The following ATP2B4 variants were observed in gnomAD, a reference collection of about 807,000 sequenced individuals.
The protein encoded by ATP2B4 is ATPase plasma membrane Ca2+ transporting 4.
ATP2B4 carries 39 observed loss-of-function variants against 110.3 expected under a neutral mutation model. The ratio of observed to expected loss-of-function variants is 0.35; its 90% CI spans 0.27 to 0.46. The LOEUF (loss-of-function observed/expected upper bound fraction) is 0.46. Ranked by LOEUF, ATP2B4 falls within the 20% of genes least tolerant of loss-of-function variation. The probability of loss-of-function intolerance (pLI) is 1.00; values close to 1 mark genes in which losing one functional copy is unlikely to be tolerated. For synonymous variants in ATP2B4, 538 were observed against 571.7 expected (o/e 0.94, Z 0.84); for missense variants, 1,135 against 1,530.9 (o/e 0.74, Z 4.32).
intron 2 of ATP2B4, among the ~76,000 whole-genome samples, chr1:203,696,448 G>T (rs2102380336): frequency 6.6e-6 from 1 of 152,198 alleles, no homozygotes; most frequent in East Asian, 1.9e-4. Flanking sequence ...CCCTTCCTCT[G>T]ATTCTGACCC....
chr1:203,661,859 G>A (rs113675282), intron 1 of ATP2B4, among the ~76,000 whole-genome samples: 119 of 152,140 alleles, frequency 7.8e-4, no homozygotes, highest in African/African-American at 2.6e-3. Flanking sequence ...CTGAACTCTC[G>A]GTGACAGCAG....
intron 1 of ATP2B4, among the ~76,000 whole-genome samples, chr1:203,633,026 G>C (rs1426705547): frequency 2.0e-5 from 3 of 152,146 alleles, no homozygotes; most frequent in African/African-American, 4.8e-5. Context: ...GAGGTTGTAA[G>C]GAACAGTGCT....
Position 203,733,249 on chromosome 1 carries a change from G to A in ATP2B4, c.3309+5678G>A, listed in dbSNP as rs139470109. On this transcript the variant is annotated intron_variant, in intron 20 of 20. Transcript: ENST00000357681. ...TCGACGTAATTAACACATTCCAGAC[G>A]GGAGCCTCTTTTAAGGGAGTCCTAA... The A allele has an allele frequency of 3.8e-5, 62 of 1,613,106 alleles. No homozygotes were observed. The Admixed American group carries it at 9.0e-4, about 23-fold the overall frequency.
chr1:203,653,960 AATATATAT>A lies in ATP2B4; in HGVS notation c.-465+26760_-465+26767del, dbSNP rs376712958. On this transcript the variant is annotated intron_variant, in intron 1 of 20. Transcript: ENST00000357681. Reference sequence around the variant, plus strand: ...CATCTATTTACAGCATGGTTTGCCAAATATATATATATATATATATATATATTTTTTTT... The same window carrying A: ...CATCTATTTACAGCATGGTTTGCCAAATATATATATATATATATTTTTTTT... Among the ~76,000 whole-genome samples the A allele has an allele frequency of 4.3e-4, 57 of 132,426 alleles. 5 individuals carry two copies. The highest frequency in any genetic ancestry group is 3.8e-3 in the Middle Eastern group (1 of 262). 86.9% of individuals were successfully genotyped at this position (132,426 alleles called of 152,430 possible). A position where few individuals can be genotyped will look rare whatever the true frequency, so the allele number is the denominator to read the frequency against.
chr1:203,672,324 CTTTTTTTT>C (rs57144862), intron 1 of ATP2B4, among the ~76,000 whole-genome samples: 2 of 79,626 alleles, frequency 2.5e-5, no homozygotes, highest in African/African-American at 1.1e-4. Flanking sequence ...TGCGGTGGCT[CTTTTTTTT>C]TTTTTTTTTT....
intron 2 of ATP2B4, among the ~76,000 whole-genome samples, chr1:203,685,762 A>G (rs1475094655): frequency 1.3e-5 from 2 of 152,180 alleles, no homozygotes; most frequent in African/African-American, 4.8e-5. Context: ...TTCTTCTTTG[A>G]AAATAATGTT....
At chr1:203,668,857 G>T (rs974887827) in intron 1 of ATP2B4, among the ~76,000 whole-genome samples, 3 of 152,224 alleles carry the variant, frequency 2.0e-5, no homozygotes, top group Non-Finnish European at 4.4e-5. Flanking sequence ...GAATGAGAGA[G>T]ATTGAGAGAT....
rs181033764 is a variant in ATP2B4 at position 203,706,537 on chromosome 1, A to G, written c.1100-472A>G. 2.1e-4 allele frequency among the ~76,000 whole-genome samples: 32 copies of G among 152,332 alleles called. No homozygotes were observed. The East Asian group carries it at 4.6e-3, about 22-fold the overall frequency. ...TAGCACCATAGAGGCATTGTTGTAA[A>G]CAAGGTGTGAATTGTCCAACATTCA... On this transcript the variant is annotated intron_variant, in intron 8 of 20. Coordinates refer to ENST00000357681, the MANE Select transcript of ATP2B4 (RefSeq NM_001684.5).
At chr1:203,711,131 A>G (rs1665996882) in intron 12 of ATP2B4, 23 bp downstream of exon 12, 1 of 1,605,344 alleles carries the variant, frequency 6.2e-7, no homozygotes, top group Non-Finnish European at 8.5e-7. Context: ...GAAGCCACCC[A>G]GGAGTCTCAG....
chr1:203,661,848 T>C (rs778528932), intron 1 of ATP2B4, among the ~76,000 whole-genome samples: 17 of 152,096 alleles, frequency 1.1e-4, no homozygotes, highest in Non-Finnish European at 2.4e-4. Flanking sequence ...CCACAATGGA[T>C]CTGAACTCTC....
intron 1 of ATP2B4, among the ~76,000 whole-genome samples, chr1:203,676,840 G>T (rs1216820294): frequency 6.6e-6 from 1 of 152,074 alleles, no homozygotes; most frequent in Admixed American, 6.5e-5. Context: ...GGAGGACAAG[G>T]GGGAAGGGAG....
chr1:203,675,507 T>A (rs909776467), intron 1 of ATP2B4, among the ~76,000 whole-genome samples: 1 of 152,166 alleles, frequency 6.6e-6, no homozygotes, highest in African/African-American at 2.4e-5. Flanking sequence ...CAGGACTAGA[T>A]GACTGGGTCC....
At chr1:203,632,696 TAAAAA>T (rs79013470) in intron 1 of ATP2B4, among the ~76,000 whole-genome samples, 4 of 122,222 alleles carry the variant, frequency 3.3e-5, no homozygotes, top group Non-Finnish European at 7.1e-5. Context: ...ATATTTTAAG[TAAAAA>T]AAAAAAAAAA....
intron 2 of ATP2B4, among the ~76,000 whole-genome samples, chr1:203,692,039 AC>A (rs1665392979): frequency 6.6e-6 from 1 of 150,480 alleles, no homozygotes. Flanking sequence ...CCGCCACCAC[AC>A]CCAGCTAATT....
chr1:203,653,000 T>C (rs1024467049), intron 1 of ATP2B4, among the ~76,000 whole-genome samples: 4 of 152,200 alleles, frequency 2.6e-5, no homozygotes, highest in Non-Finnish European at 5.9e-5. Context: ...GAAGTCGTGT[T>C]GAAAGCTGAG....
chr1:203,657,729 T>C (rs765592799), intron 1 of ATP2B4: 2 of 737,414 alleles, frequency 2.7e-6, no homozygotes, highest in South Asian at 1.5e-5. Context: ...ATAGTGTTTA[T>C]GGTGTAATTC....
At chr1:203,733,389 C>T (rs762575558) in intron 20 of ATP2B4, 3 of 1,613,484 alleles carry the variant, frequency 1.9e-6, no homozygotes, top group Admixed American at 1.7e-5. Context: ...GTTTCATCTC[C>T]TCCTATGGGC....
chr1:203,646,067 A>AT (rs1663790426), intron 1 of ATP2B4, among the ~76,000 whole-genome samples: 1 of 81,710 alleles, frequency 1.2e-5, no homozygotes, highest in Non-Finnish European at 4.1e-5. Flanking sequence ...AAGAATATTT[A>AT]CTTTTTTTCC....
intron 20 of ATP2B4, among the ~76,000 whole-genome samples, chr1:203,734,734 G>A (rs1181431918): frequency 6.7e-6 from 1 of 149,860 alleles, no homozygotes; most frequent in East Asian, 2.0e-4. Flanking sequence ...GCCAGGCACA[G>A]TGGTTCACGC....
Sources: allele counts gnomAD v4.1 joint callset (sites outside exome capture counted in the v4.1 genomes callset), GRCh38; gene constraint gnomAD v4.1.1; transcripts MANE v1.5; gene names NCBI Gene and HGNC (gene_info 2026-07-23, HGNC 2026-07-21).